The following LRRC27 variants were observed in gnomAD, a reference collection of about 807,000 sequenced individuals.
LRRC27 encodes leucine rich repeat containing 27, also known as leucine-rich repeat-containing protein 27.
LRRC27 carries 57 observed loss-of-function variants against 55.0 expected under a neutral mutation model. The ratio of observed to expected loss-of-function variants is 1.04; its 90% CI spans 0.84 to 1.29. LRRC27 has a LOEUF of 1.29. LRRC27 is among the 50% of genes most tolerant of loss of function. The pLI is 0.00. For synonymous variants in LRRC27, 278 were observed against 251.9 expected (o/e 1.10, Z -0.98); for missense variants, 721 against 651.5 (o/e 1.11, Z -1.16).
chr10:132,348,927 T>C lies in LRRC27; in HGVS notation c.926+571T>C, dbSNP rs1156951534. 1 of 1,503,772 alleles carries C rather than the reference T, an allele frequency of 6.6e-7. No homozygotes were observed. Among genetic ancestry groups the C allele is most frequent in the Non-Finnish European group, 9.1e-7 (1 of 1,100,016 alleles). The allele number at this position is 1,503,772 out of a possible 1,614,324, so 93.2% of individuals were successfully genotyped here. A position where few individuals can be genotyped will look rare whatever the true frequency, so the allele number is the denominator to read the frequency against. On this transcript the variant is annotated intron_variant, in intron 6 of 10. Transcript: ENST00000368614. The surrounding 1 kb of genome is among the most constrained non-coding windows in gnomAD (Gnocchi z 4.2). ...TGCCTTTGCCTTTGGTACAGTGAGT[T>C]TGGGGGCCGAGATTTTATTTTCCTT...
At position 132,375,770 on chromosome 10, in the gene LRRC27, C is replaced by T. The variant is rs1392168121; in HGVS notation, c.*528C>T. The T allele has an allele frequency of 6.5e-6, 1 of 153,068 alleles. No individual in the cohort carries two copies. The highest frequency in any genetic ancestry group is 1.5e-5 in the Non-Finnish European group (1 of 68,732). The allele number at this position is 153,068 out of a possible 1,614,324, so 9.5% of individuals were successfully genotyped here. On this transcript the variant is annotated 3_prime_UTR_variant, in exon 11 of 11. Coordinates refer to ENST00000368614, the MANE Select transcript of LRRC27 (RefSeq NM_030626.3). ...TTTCCCCTGGGGGCCCTCCTTTCCC[C>T]TGCTCCCTGCCCAGCTACGGGGCCC...
Position 132,375,388 on chromosome 10 carries a change from T to TA in LRRC27, c.*147dup. On this transcript the variant is annotated 3_prime_UTR_variant, in exon 11 of 11. Transcript: ENST00000368614. ...ATTTCGCGCAGCCTGTTGTTTTCCT[T>TA]AGACAGGTCCACGTCCCTCTCCTGA... 1 of 671,284 alleles carries TA rather than the reference T, an allele frequency of 1.5e-6. No individual in the cohort carries two copies. Among genetic ancestry groups the TA allele is most frequent in the Non-Finnish European group, 2.5e-6 (1 of 405,552 alleles). 41.6% of individuals were successfully genotyped at this position (671,284 alleles called of 1,614,324 possible). A position where few individuals can be genotyped will look rare whatever the true frequency, so the allele number is the denominator to read the frequency against.
intron 6 of LRRC27, chr10:132,349,042 C>T: frequency 1.2e-6 from 2 of 1,607,972 alleles, no homozygotes; most frequent in Non-Finnish European, 1.7e-6. Flanking sequence ...AGGGCGTGCG[C>T]CTACACATAT....
intron 8 of LRRC27, 69 bp downstream of exon 8, chr10:132,355,955 C>T (rs528528099): frequency 9.1e-7 from 1 of 1,095,152 alleles, no homozygotes; most frequent in East Asian, 2.8e-5. Context: ...TCACAGGCAT[C>T]CCTGTCCATG....
In LRRC27 at chr10:132,340,792, C is replaced by T. The variant is rs372825074; in HGVS notation, c.342-1421C>T. 1.7e-4 allele frequency among the ~76,000 whole-genome samples: 25 copies of T among 149,994 alleles called. No individual in the cohort carries two copies. In the East Asian group the frequency reaches 3.1e-3, roughly 19 times the overall value. On this transcript the variant is annotated intron_variant, in intron 3 of 10. Transcript: ENST00000368614. ...CAGCCTGGCCAACATGGTGAAACTC[C>T]GTCTCTACTAAAAAAAAAAAGTACA... is the stretch of plus-strand genomic sequence containing the variant.
intron 8 of LRRC27, among the ~76,000 whole-genome samples, chr10:132,359,134 A>AAGGAGCCGAGGTGGTGGAGCAGCGTGGGG (rs2068488647): frequency 1.0e-4 from 3 of 29,778 alleles, no homozygotes; most frequent in African/African-American, 3.6e-4. Flanking sequence ...GGAGCGTGGG[A>AAGGAGCCGAGGTGGTGGAGCAGCGTGGGG]AGGAGCCGAG....
upstream of LRRC27, chr10:132,331,838 G>A (rs377650765): frequency 1.4e-5 from 21 of 1,495,386 alleles, no homozygotes; most frequent in Non-Finnish European, 1.8e-5. Context: ...CCGCGGGCGC[G>A]GAAAAACGGA....
At chr10:132,350,509 G>A (rs1040214849) in intron 6 of LRRC27, 2 of 152,374 alleles carry the variant, frequency 1.3e-5, no homozygotes, top group African/African-American at 4.8e-5. Context: ...TGCCCTCTCT[G>A]CTCTACTGAG....
upstream of LRRC27, chr10:132,331,925 C>A (rs2138539292): frequency 1.5e-6 from 1 of 661,066 alleles, no homozygotes; most frequent in South Asian, 2.2e-5. Context: ...AACCCCCCCA[C>A]CGCAAGCGCA....
chr10:132,366,814 C>A, intron 10 of LRRC27: 1 of 1,250,948 alleles, frequency 8.0e-7, no homozygotes, highest in South Asian at 1.3e-5. Flanking sequence ...AGGCTCCATT[C>A]CCACCATTTC....
chr10:132,361,903 T>TCCCTG (rs1006038222), intron 9 of LRRC27, among the ~76,000 whole-genome samples: 3 of 151,862 alleles, frequency 2.0e-5, no homozygotes, highest in African/African-American at 4.8e-5. Flanking sequence ...CCCGCTGCAG[T>TCCCTG]CCCTGCCCTG....
At chr10:132,347,016 C>T in intron 5 of LRRC27, among the ~76,000 whole-genome samples, 1 of 152,216 alleles carries the variant, frequency 6.6e-6, no homozygotes, top group East Asian at 1.9e-4. Flanking sequence ...TGGGCACGTG[C>T]TGGGAGAAGA....
intron 10 of LRRC27, among the ~76,000 whole-genome samples, chr10:132,368,298 C>G (rs1365623521): frequency 6.6e-6 from 1 of 152,154 alleles, no homozygotes; most frequent in Non-Finnish European, 1.5e-5. Context: ...ATCATAATCT[C>G]AGCAAATTAT....
At chr10:132,357,385 G>C (rs1044858273) in intron 8 of LRRC27, among the ~76,000 whole-genome samples, 1 of 152,228 alleles carries the variant, frequency 6.6e-6, no homozygotes, top group African/African-American at 2.4e-5. Flanking sequence ...AATGCTTTCA[G>C]AGCTGAATTA....
rs1360330577 is a variant in LRRC27, at chr10:132,376,012, CAG to C, written c.*773_*774del. 6.6e-6 allele frequency: 1 copy of C among 152,210 alleles called. No individual in the cohort carries two copies. The highest frequency in any genetic ancestry group is 2.4e-5 in the African/African-American group (1 of 41,452). 9.4% of individuals were successfully genotyped at this position (152,210 alleles called of 1,614,324 possible). The stretch of plus-strand genomic sequence containing the variant: ...AACATCTTTGGTTTGATTTCTTTAA[CAG>C]AGGTGAGACTATTCAGACTTTGTTT... On this transcript the variant is annotated 3_prime_UTR_variant, in exon 11 of 11. Coordinates refer to ENST00000368614, the MANE Select transcript of LRRC27 (RefSeq NM_030626.3).
Position 132,337,593 on chromosome 10 carries a change from G to A in LRRC27, c.239G>A (p.Cys80Tyr), listed in dbSNP as rs1372292730. ...TTGCATCTGCAAAGGAATGCCCTGT[G>A]TGTGATTCCTCAAGATTTCTTTCAG... is the stretch of plus-strand genomic sequence containing the variant. ...QQLHLQRNAL[C>Y]VIPQDFFQLL... The change falls in exon 3 of 11, where the codon TGT (cysteine) becomes TAT (tyrosine). Residue 80 changes from cysteine to tyrosine, a missense_variant. Coordinates refer to ENST00000368614, the MANE Select transcript of LRRC27 (RefSeq NM_030626.3). 1 of 1,614,194 alleles carries A rather than the reference G, an allele frequency of 6.2e-7. No individual in the cohort carries two copies. Among genetic ancestry groups the A allele is most frequent in the Admixed American group, 1.7e-5 (1 of 60,034 alleles).
chr10:132,374,950 T>C lies in LRRC27; in HGVS notation c.1417-116T>C, dbSNP rs1169354380. On this transcript the variant is annotated intron_variant, in intron 10 of 10. Transcript: ENST00000368614. This position sits in a 1 kb window ranked among gnomAD's most constrained non-coding sequence, Gnocchi z 4.4. ...TGCAGGGGCCCCGGGGCAGCGGGGC[T>C]GGCTCTGCTGACGCCCACATGGCCT... 3.5e-6 allele frequency: 4 copies of C among 1,156,142 alleles called. No homozygotes were observed. The highest frequency in any genetic ancestry group is 4.8e-5 in the Admixed American group (2 of 41,546). The allele number at this position is 1,156,142 out of a possible 1,614,324, so 71.6% of individuals were successfully genotyped here.
rs1564853015 is a variant in LRRC27, at chr10:132,364,384, T to TCC, written c.1290-1040_1290-1039insCC. 1.5e-3 allele frequency among the ~76,000 whole-genome samples: 117 copies of TCC among 80,544 alleles called. 7 individuals are homozygous for TCC. The highest frequency in any genetic ancestry group is 7.8e-3 in the East Asian group (19 of 2,448). 52.8% of individuals were successfully genotyped at this position (80,544 alleles called of 152,430 possible). On this transcript the variant is annotated intron_variant, in intron 9 of 10. Transcript: ENST00000368614. Reference sequence around the variant, plus strand: ...ACCCGCGCTTACACCCACCCACACTTACACCCACCCTTACATCTACCTCCA... The same window carrying TCC: ...ACCCGCGCTTACACCCACCCACACTTCCACACCCACCCTTACATCTACCTCCA...
upstream of LRRC27, chr10:132,331,894 AC>A (rs56390424): frequency 1.1e-6 from 1 of 886,742 alleles, no homozygotes. Flanking sequence ...ACCCCCTGCC[AC>A]CCCCGCGCAG....
Sources: gnomAD v4.1 joint callset for allele counts (sites outside exome capture counted in the v4.1 genomes callset) on GRCh38, gnomAD v4.1.1 for gene constraint, Gnocchi (gnomAD v3.1) non-coding constraint, MANE v1.5 for transcripts, NCBI Gene and HGNC (gene_info 2026-07-23, HGNC 2026-07-21) for gene names.